The following LRRC75A variants were observed in gnomAD, a reference collection of about 807,000 sequenced individuals.
LRRC75A encodes leucine-rich repeat-containing protein 75A.
Under a neutral mutation model 26.0 loss-of-function variants are expected in LRRC75A, and 12 were observed. The observed-to-expected ratio is 0.46, with a 90% CI of 0.30 to 0.75. LRRC75A has a LOEUF of 0.75. Ranked by LOEUF, LRRC75A falls within the 30% of genes least tolerant of loss-of-function variation. The probability of loss-of-function intolerance (pLI) is 0.08; values close to 1 mark genes in which losing one functional copy is unlikely to be tolerated. For synonymous variants in LRRC75A, 223 were observed against 219.3 expected (o/e 1.02, Z -0.15); for missense variants, 410 against 486.6 (o/e 0.84, Z 1.48).
chr17:16,463,541 G>A (rs548348602), intron 1 of LRRC75A, among the ~76,000 whole-genome samples: 9 of 152,266 alleles, frequency 5.9e-5, no homozygotes, highest in African/African-American at 7.2e-5. Context: ...CATTCTGGGG[G>A]CTCCCACAGC....
chr17:16,456,318 GGAGAAGAAGGAAGAGGAGGAGGAA>G lies in LRRC75A; in HGVS notation c.375+5916_375+5939del, dbSNP rs199533035. ...AGAAGGAAGAGGAGGAGGAGGAAGAGGAGAAGAAGGAAGAGGAGGAGGAAGAGAAGGAAGAGGAGGAGGAAGAGA... is the reference window on the plus strand; with the variant it reads ...AGAAGGAAGAGGAGGAGGAGGAAGAGGAGAAGGAAGAGGAGGAGGAAGAGA... On this transcript the variant is annotated intron_variant, in intron 2 of 3. Coordinates refer to ENST00000470794, the MANE Select transcript of LRRC75A (RefSeq NM_001113567.3). Among the ~76,000 whole-genome samples, 192 of 108,080 alleles carry G rather than the reference GGAGAAGAAGGAAGAGGAGGAGGAA, an allele frequency of 1.8e-3. 3 individuals carry two copies. Among genetic ancestry groups the G allele is most frequent in the South Asian group, 4.3e-3 (15 of 3,512 alleles). 70.9% of individuals were successfully genotyped at this position (108,080 alleles called of 152,430 possible).
intron 2 of LRRC75A, among the ~76,000 whole-genome samples, chr17:16,450,769 G>C (rs775314547): frequency 1.3e-5 from 2 of 152,222 alleles, no homozygotes; most frequent in Admixed American, 1.3e-4. Flanking sequence ...GATGGAGAGA[G>C]GGGTGGACAG....
chr17:16,487,861 A>C (rs935652075), intron 1 of LRRC75A, among the ~76,000 whole-genome samples: 2 of 152,224 alleles, frequency 1.3e-5, no homozygotes, highest in African/African-American at 4.8e-5. Context: ...TGGGAGGCCC[A>C]AACAAGTTAA....
intron 1 of LRRC75A, among the ~76,000 whole-genome samples, chr17:16,476,449 C>T (rs2093819895): frequency 1.3e-5 from 2 of 151,852 alleles, no homozygotes; most frequent in Non-Finnish European, 1.5e-5. Context: ...TGGCATCAAG[C>T]AATCCTCCCG....
chr17:16,481,638 G>A (rs902636088), intron 1 of LRRC75A, among the ~76,000 whole-genome samples: 5 of 151,994 alleles, frequency 3.3e-5, no homozygotes, highest in Non-Finnish European at 7.4e-5. Flanking sequence ...TGGCCTGGCA[G>A]GAGAAGGTGT....
chr17:16,485,823 C>G (rs1214997220), intron 1 of LRRC75A, among the ~76,000 whole-genome samples: 2 of 152,100 alleles, frequency 1.3e-5, no homozygotes, highest in African/African-American at 4.8e-5. Context: ...GACCCCACCC[C>G]CTCTGCATCC....
intron 2 of LRRC75A, among the ~76,000 whole-genome samples, chr17:16,461,469 C>G (rs1037783966): frequency 6.6e-6 from 1 of 152,250 alleles, no homozygotes; most frequent in Non-Finnish European, 1.5e-5. Context: ...CCCGCCAGGT[C>G]GGGCTGCATA....
chr17:16,465,974 G>T (rs893234339), intron 1 of LRRC75A, among the ~76,000 whole-genome samples: 8 of 152,246 alleles, frequency 5.3e-5, no homozygotes, highest in African/African-American at 1.9e-4. Context: ...GGCTCCCCAA[G>T]GTCCCAGGGC....
In LRRC75A at chr17:16,482,707, A is replaced by G. The variant is rs148668964; in HGVS notation, c.246+9038T>C. The stretch of plus-strand genomic sequence containing the variant: ...ACAAGGGCAGAGCTGGAATCTGACC[A>G]TGGCCAGCCCTGCAGTCACTTGCCA... On this transcript the variant is annotated intron_variant, in intron 1 of 3. Coordinates refer to ENST00000470794, the MANE Select transcript of LRRC75A (RefSeq NM_001113567.3). Among the ~76,000 whole-genome samples, 427 of 152,364 alleles carry G rather than the reference A, an allele frequency of 2.8e-3. 3 individuals are homozygous for G. Among genetic ancestry groups the G allele is most frequent in the Non-Finnish European group, 4.7e-3 (317 of 68,026 alleles).
intron 1 of LRRC75A, among the ~76,000 whole-genome samples, chr17:16,470,143 G>T (rs1380560895): frequency 6.6e-6 from 1 of 151,958 alleles, no homozygotes; most frequent in African/African-American, 2.4e-5. Context: ...ATCGTCTTAG[G>T]TGTCTTAGGG....
chr17:16,484,060 G>A (rs367744480), intron 1 of LRRC75A, among the ~76,000 whole-genome samples: 63 of 152,162 alleles, frequency 4.1e-4, no homozygotes, highest in Non-Finnish European at 8.4e-4. Flanking sequence ...TAATGAGGCC[G>A]GGTACAGTGG....
chr17:16,451,677 C>G (rs2093632227), intron 2 of LRRC75A, among the ~76,000 whole-genome samples: 1 of 151,838 alleles, frequency 6.6e-6, no homozygotes, highest in South Asian at 2.1e-4. Context: ...GGAGGTGACA[C>G]TGGAGATGGC....
At chr17:16,445,723 G>A (rs2093578811) in intron 3 of LRRC75A, among the ~76,000 whole-genome samples, 1 of 152,190 alleles carries the variant, frequency 6.6e-6, no homozygotes, top group African/African-American at 2.4e-5. Flanking sequence ...TTGGAATGCT[G>A]CCAGCCATCT....
intron 1 of LRRC75A, among the ~76,000 whole-genome samples, chr17:16,477,105 A>T (rs2093822950): frequency 6.6e-6 from 1 of 151,812 alleles, no homozygotes; most frequent in Non-Finnish European, 1.5e-5. Flanking sequence ...GGCTGGCCTC[A>T]AACTCCTGAG....
chr17:16,491,548 C>T lies in LRRC75A; in HGVS notation c.246+197G>A, dbSNP rs559516840. On this transcript the variant is annotated intron_variant, in intron 1 of 3. Coordinates refer to ENST00000470794, the MANE Select transcript of LRRC75A (RefSeq NM_001113567.3). This position sits in a 1 kb window ranked among gnomAD's most constrained non-coding sequence, Gnocchi z 5.9. Reference sequence around the variant, plus strand: ...CGGGCCTCACCCGGCCAGCCTTCCTCCGCCCTGCCCTGAGGCCCCACATTC... The same window carrying T: ...CGGGCCTCACCCGGCCAGCCTTCCTTCGCCCTGCCCTGAGGCCCCACATTC... 2.0e-5 allele frequency among the ~76,000 whole-genome samples: 3 copies of T among 152,350 alleles called. No individual in the cohort carries two copies. The highest frequency in any genetic ancestry group is 4.4e-5 in the Non-Finnish European group (3 of 68,020).
At chr17:16,478,587 G>C (rs1031294424) in intron 1 of LRRC75A, 1 of 152,206 alleles carries the variant, frequency 6.6e-6, no homozygotes, top group African/African-American at 2.4e-5. Context: ...TCATGGACTG[G>C]CCTCTCCCTA....
At chr17:16,445,158 ATTTTTTTTTT>A (rs766449990) in intron 3 of LRRC75A, among the ~76,000 whole-genome samples, 16 of 69,738 alleles carry the variant, frequency 2.3e-4, no homozygotes, top group Non-Finnish European at 3.1e-4. Flanking sequence ...CATTTTCTGC[ATTTTTTTTTT>A]TTTTTTTTTT....
chr17:16,466,280 G>A (rs2093768238), intron 1 of LRRC75A, among the ~76,000 whole-genome samples: 1 of 152,232 alleles, frequency 6.6e-6, no homozygotes, highest in African/African-American at 2.4e-5. Context: ...TGCAGCCTGG[G>A]CCACAGCCCT....
chr17:16,455,477 C>G (rs2093670002), intron 2 of LRRC75A, among the ~76,000 whole-genome samples: 1 of 151,992 alleles, frequency 6.6e-6, no homozygotes, highest in Non-Finnish European at 1.5e-5. Context: ...CTCCCAGATT[C>G]AAGCGGTTCT....
Sources: allele counts gnomAD v4.1 joint callset (sites outside exome capture counted in the v4.1 genomes callset), GRCh38; gene constraint gnomAD v4.1.1; non-coding constraint Gnocchi (gnomAD v3.1); transcripts MANE v1.5; gene names NCBI Gene and HGNC (gene_info 2026-07-23, HGNC 2026-07-21).